The following TAMM41 variants were observed in gnomAD, a reference collection of about 807,000 sequenced individuals.
TAMM41 encodes TAM41 mitochondrial translocator assembly and maintenance homolog.
TAMM41 carries 36 observed loss-of-function variants against 44.1 expected under a neutral mutation model. The observed-to-expected ratio is 0.82, with a 90% CI of 0.63 to 1.08. TAMM41 has a LOEUF of 1.08. TAMM41 is among the 50% of genes least tolerant of loss of function. The pLI, the probability that TAMM41 is intolerant of heterozygous loss-of-function variation, is 0.00. For missense variants in TAMM41, 417 were observed against 404.3 expected (o/e 1.03, Z -0.27); for synonymous variants, 164 against 153.1 (o/e 1.07, Z -0.53).
intron 3 of TAMM41, among the ~76,000 whole-genome samples, chr3:11,834,710 A>G (rs1407899815): frequency 6.6e-6 from 1 of 152,206 alleles, no homozygotes; most frequent in Non-Finnish European, 1.5e-5. Flanking sequence ...ATTTGGAGAC[A>G]TGGTCTTGCT....
At chr3:11,741,924 T>A in the TAMM41 span, among the ~76,000 whole-genome samples, 2 of 150,154 alleles carry the variant, frequency 1.3e-5, no homozygotes, top group Non-Finnish European at 2.9e-5. Context: ...GTCTGCAGCA[T>A]GGATATGCTG....
chr3:11,764,508 T>TTTTTTTTTTTA, the TAMM41 span, among the ~76,000 whole-genome samples: 1 of 138,244 alleles, frequency 7.2e-6, no homozygotes, highest in African/African-American at 2.9e-5. Context: ...TTTTTTTTTT[T>TTTTTTTTTTTA]TTGAGACAGA....
the TAMM41 span, among the ~76,000 whole-genome samples, chr3:11,730,095 T>G: frequency 6.6e-6 from 1 of 152,050 alleles, no homozygotes. Flanking sequence ...AATAAATAAT[T>G]GCATTTGGCA....
chr3:11,739,519 G>A, the TAMM41 span, among the ~76,000 whole-genome samples: 7 of 151,948 alleles, frequency 4.6e-5, no homozygotes, highest in South Asian at 2.1e-4. Context: ...TAGAAGATGC[G>A]TTAAGGGCTG....
intron 7 of TAMM41, among the ~76,000 whole-genome samples, chr3:11,791,453 T>C (rs778044423): frequency 3.3e-5 from 5 of 152,136 alleles, no homozygotes; most frequent in Admixed American, 6.5e-5. Flanking sequence ...TGGATGCGAT[T>C]ATGGACTCAA....
chr3:11,794,007 A>C (rs1178558230), intron 7 of TAMM41, among the ~76,000 whole-genome samples: 3 of 152,214 alleles, frequency 2.0e-5, no homozygotes, highest in Non-Finnish European at 4.4e-5. Flanking sequence ...CATAGAACAA[A>C]TATTTATTGA....
the TAMM41 span, among the ~76,000 whole-genome samples, chr3:11,742,384 T>C: frequency 2.0e-5 from 3 of 150,288 alleles, no homozygotes; most frequent in Admixed American, 6.6e-5. Context: ...GCCTAATTCC[T>C]TGAAGATTCA....
intron 5 of TAMM41, among the ~76,000 whole-genome samples, chr3:11,814,389 G>C (rs1387677200): frequency 1.3e-5 from 2 of 151,882 alleles, no homozygotes; most frequent in Non-Finnish European, 2.9e-5. Flanking sequence ...CATAATACAA[G>C]AATAGGAAGC....
chr3:11,770,745 C>G, the TAMM41 span, among the ~76,000 whole-genome samples: 8 of 152,126 alleles, frequency 5.3e-5, no homozygotes, highest in East Asian at 1.9e-4. Context: ...AACAGAAGTA[C>G]GAGCGACAGC....
the TAMM41 span, among the ~76,000 whole-genome samples, chr3:11,779,477 C>G: frequency 1.3e-5 from 2 of 152,274 alleles, no homozygotes; most frequent in East Asian, 3.9e-4. Flanking sequence ...ACCTCCAACA[C>G]CGAGGATCCA....
intron 4 of TAMM41, among the ~76,000 whole-genome samples, chr3:11,825,786 T>C (rs2125017243): frequency 6.6e-6 from 1 of 151,964 alleles, no homozygotes; most frequent in Admixed American, 6.6e-5. Context: ...AGTACTCAGC[T>C]AATTTTTTTT....
chr3:11,838,238 G>A (rs2079269321), intron 3 of TAMM41, among the ~76,000 whole-genome samples: 1 of 152,110 alleles, frequency 6.6e-6, no homozygotes, highest in African/African-American at 2.4e-5. Flanking sequence ...TTTTTAAGAC[G>A]GAGTCTCACT....
At chr3:11,822,147 A>G (rs1394496317) in intron 4 of TAMM41, among the ~76,000 whole-genome samples, 1 of 152,166 alleles carries the variant, frequency 6.6e-6, no homozygotes, top group East Asian at 1.9e-4. Flanking sequence ...GATAAGGGAT[A>G]CTCAGCCTGT....
chr3:11,781,757 T>A, the TAMM41 span, among the ~76,000 whole-genome samples: 1 of 121,010 alleles, frequency 8.3e-6, no homozygotes, highest in South Asian at 3.1e-4. Context: ...ATAATAATAA[T>A]AATAATAATA....
chr3:11,723,161 GGAT>G, the TAMM41 span, among the ~76,000 whole-genome samples: 1 of 150,812 alleles, frequency 6.6e-6, no homozygotes, highest in Non-Finnish European at 1.5e-5. Flanking sequence ...AAAATTGAGG[GGAT>G]GATGATGCCA....
the TAMM41 span, among the ~76,000 whole-genome samples, chr3:11,772,294 G>A: frequency 0.013 from 1,880 of 149,934 alleles, 56 homozygotes; most frequent in African/African-American, 0.043. Context: ...TGTTAGCCAG[G>A]ATGGTCTTCA....
At chr3:11,805,000 T>TG (rs200394924) in intron 7 of TAMM41, among the ~76,000 whole-genome samples, 17,752 of 131,264 alleles carry the variant, frequency 0.14, 2,653 homozygotes, top group East Asian at 0.49. Flanking sequence ...CCAGCCCTTT[T>TG]TTTTTTTTTT....
chr3:11,790,154 A>G (rs1287843758), downstream of TAMM41, among the ~76,000 whole-genome samples: 4 of 152,216 alleles, frequency 2.6e-5, no homozygotes, highest in African/African-American at 9.6e-5. Flanking sequence ...AGGCAGAGAA[A>G]GTCAAGCTTC....
chr3:11,757,408 C>G, the TAMM41 span, among the ~76,000 whole-genome samples: 1 of 152,184 alleles, frequency 6.6e-6, no homozygotes, highest in Non-Finnish European at 1.5e-5. Flanking sequence ...CCCAGGAAAG[C>G]AGGGTAGCGT....
Sources: gnomAD v4.1 joint callset for allele counts (sites outside exome capture counted in the v4.1 genomes callset) on GRCh38, gnomAD v4.1.1 for gene constraint, MANE v1.5 for transcripts, NCBI Gene and HGNC (gene_info 2026-07-23, HGNC 2026-07-21) for gene names.